RSF1: variants seen among roughly 807,000 people sequenced by gnomAD.
RSF1 encodes HBV pX-associated protein 8.
Under a neutral mutation model 145.2 loss-of-function variants are expected in RSF1, and 13 were observed. That is an observed-to-expected ratio of 0.09 (90% CI 0.06 to 0.14). The LOEUF (loss-of-function observed/expected upper bound fraction) is 0.14. Ranked by LOEUF, RSF1 falls within the 10% of genes least tolerant of loss-of-function variation. The pLI is 1.00. For missense variants in RSF1, 1,517 were observed against 1,718.2 expected, an observed-to-expected ratio of 0.88 and a Z score of 2.07; for synonymous variants, 577 against 592.6, an observed-to-expected ratio of 0.97 and a Z score of 0.38.
At chr11:77,860,815 T>C in the RSF1 span, among the ~76,000 whole-genome samples, 1 of 152,134 alleles carries the variant, frequency 6.6e-6, no homozygotes, top group Non-Finnish European at 1.5e-5. Flanking sequence ...CTCTACTTCC[T>C]CTGGTATTTG....
In RSF1 at chr11:77,693,597, G is replaced by A. The variant is rs140108019; in HGVS notation, c.2730C>T (p.Asp910=). 911 of 1,612,978 alleles carry A rather than the reference G, an allele frequency of 5.6e-4. 3 individuals carry two copies. The highest frequency in any genetic ancestry group is 3.5e-3 in the African/African-American group (261 of 74,994). The part of the protein sequence containing the change: ...PNHPELILLC[D]SCDSGYHTAC... ...CAGTATGGTATCCACTATCGCAAGAGTCACACAGAAGAATCTGAAATAACC... is the reference window on the plus strand; with the variant it reads ...CAGTATGGTATCCACTATCGCAAGAATCACACAGAAGAATCTGAAATAACC... Residue 910 remains aspartate, a synonymous_variant, in exon 8 of 16, where the codon GAC becomes GAT. Coordinates refer to ENST00000308488, the MANE Select transcript of RSF1 (RefSeq NM_016578.4).
chr11:77,701,491 G>T lies in RSF1; in HGVS notation c.1738C>A (p.Pro580Thr). The change falls in exon 6 of 16, where the codon CCA becomes ACA. Residue 580 changes from proline (P) to threonine (T), a missense_variant. By Grantham distance (38) the Pro-to-Thr change is conservative. Coordinates refer to ENST00000308488, the MANE Select transcript of RSF1 (RefSeq NM_016578.4). ...SPKTKKDKRP[P>T]ILECLEKLEK... ...AACTTTTCAAGACATTCTAGGATTG[G>T]TGGGCGCTTATCCTTCTTAGTTTTG... 1 of 1,614,094 alleles carries T rather than the reference G, an allele frequency of 6.2e-7. No individual in the cohort carries two copies. The highest frequency in any genetic ancestry group is 8.5e-7 in the Non-Finnish European group (1 of 1,180,010).
At chr11:77,823,175 A>T (rs182716278), upstream of RSF1, among the ~76,000 whole-genome samples, 718 of 137,768 alleles carry the variant, frequency 5.2e-3, 9 homozygotes, top group African/African-American at 0.019. Context: ...AGGTTGTGCC[A>T]CTGCACTCCA....
intron 5 of RSF1, among the ~76,000 whole-genome samples, chr11:77,706,599 CTG>C (rs1188983767): frequency 1.2e-4 from 19 of 152,208 alleles, no homozygotes; most frequent in Non-Finnish European, 1.5e-4. Flanking sequence ...TTGTTTTACT[CTG>C]TTAACTCTGC....
rs1219627718 is a variant in RSF1 at position 77,702,312 on chromosome 11, T to G, written c.917A>C (p.Lys306Thr). The stretch of plus-strand genomic sequence containing the variant: ...GGAATCACTTTCTTCTTTGATAATC[T>G]TTTTTTCTTCATTTTCTGGCAAAGG... ...EKPLPENEEK[K>T]IIKEESDSFK... The change falls in exon 6 of 16, where the codon AAG becomes ACG. Residue 306 changes from lysine (K) to threonine (T), a missense_variant. Lys to Thr is a moderately conservative substitution (Grantham distance 78). Coordinates refer to ENST00000308488, the MANE Select transcript of RSF1 (RefSeq NM_016578.4). The G allele has an allele frequency of 1.2e-6, 2 of 1,609,566 alleles. No individual in the cohort carries two copies. The highest frequency in any genetic ancestry group is 2.2e-5 in the South Asian group (2 of 89,634).
intron 1 of RSF1, among the ~76,000 whole-genome samples, chr11:77,819,884 G>A (rs1468937437): frequency 6.6e-6 from 1 of 152,004 alleles, no homozygotes; most frequent in African/African-American, 2.4e-5. Flanking sequence ...CCCTCCCGTG[G>A]GGGAGGAGCA....
At chr11:77,755,726 C>T (rs181602394) in intron 2 of RSF1, among the ~76,000 whole-genome samples, 349 of 152,032 alleles carry the variant, frequency 2.3e-3, no homozygotes, top group African/African-American at 7.4e-3. Context: ...ACTACAGGTA[C>T]GCGCCACCAT....
chr11:77,686,115 A>G (rs1959996821), intron 9 of RSF1, among the ~76,000 whole-genome samples: 1 of 152,118 alleles, frequency 6.6e-6, no homozygotes, highest in African/African-American at 2.4e-5. Context: ...TAATTAAATT[A>G]CATATTAAAA....
Position 77,693,522 on chromosome 11 carries a change from G to A in RSF1, c.2805C>T (p.Cys935=), listed in dbSNP as rs778525193. The part of the protein sequence containing the change: ...LMIIPDGEWF[C]PPCQHKLLCE... ...GGGGTCTTACATGTTGGCAAGGTGGGCAGAACCATTCTCCATCTGGGATGA... is the reference window on the plus strand; with the variant it reads ...GGGGTCTTACATGTTGGCAAGGTGGACAGAACCATTCTCCATCTGGGATGA... The change falls in exon 8 of 16, where the codon TGC becomes TGT. Residue 935 remains cysteine (C), a synonymous_variant. Coordinates refer to ENST00000308488, the MANE Select transcript of RSF1 (RefSeq NM_016578.4). 1.9e-6 allele frequency: 3 copies of A among 1,612,806 alleles called. No homozygotes were observed. Among genetic ancestry groups the A allele is most frequent in the Admixed American group, 3.3e-5 (2 of 59,984 alleles).
chr11:77,676,847 T>C lies in RSF1; in HGVS notation c.3286A>G (p.Ser1096Gly), dbSNP rs1277018261. Residue 1096 changes from serine to glycine, a missense_variant, in exon 13 of 16, where the codon AGT (serine) becomes GGT (glycine). Around this residue, in one of 12 missense-constraint regions of RSF1, gnomAD observed 231 missense variants for 276.6 expected, o/e 0.84. Transcript: ENST00000308488. ...TCTTCTTCATCCAGGTTGCTATCAC[T>C]GTCCAGATCATTTAATCGCCGGCGT... Reference protein sequence around the residue: ...KKRRRLNDLDSDSNLDEEESE... With the variant: ...KKRRRLNDLDGDSNLDEEESE... 3 of 1,614,078 alleles carry C rather than the reference T, an allele frequency of 1.9e-6. No individual in the cohort carries two copies. Among genetic ancestry groups the C allele is most frequent in the East Asian group, 2.2e-5 (1 of 44,874 alleles).
intron 5 of RSF1, among the ~76,000 whole-genome samples, chr11:77,717,178 A>G (rs1960834313): frequency 1.3e-5 from 1 of 74,518 alleles, no homozygotes; most frequent in African/African-American, 8.0e-5. Context: ...AAAAACCAAA[A>G]ACCAAAAAAA....
the RSF1 span, chr11:77,872,067 T>C: frequency 1.6e-6 from 2 of 1,261,646 alleles, no homozygotes; most frequent in Non-Finnish European, 2.1e-6. Flanking sequence ...GATCGTGAAG[T>C]GACGATTGTC....
At chr11:77,845,825 C>A in the RSF1 span, among the ~76,000 whole-genome samples, 2 of 152,114 alleles carry the variant, frequency 1.3e-5, no homozygotes, top group Admixed American at 6.5e-5. Flanking sequence ...TTCTTTTGAA[C>A]ATGGTTTCCT....
chr11:77,790,461 C>T (rs1273639512), intron 1 of RSF1, among the ~76,000 whole-genome samples: 1 of 152,146 alleles, frequency 6.6e-6, no homozygotes. Flanking sequence ...CCTGCCCCGG[C>T]CCCTCCCAAA....
chr11:77,833,697 T>C, the RSF1 span, among the ~76,000 whole-genome samples: 2 of 152,234 alleles, frequency 1.3e-5, no homozygotes, highest in East Asian at 1.9e-4. Context: ...ACTTCATTTG[T>C]ACCTATTAGA....
intron 6 of RSF1, among the ~76,000 whole-genome samples, chr11:77,699,980 C>A (rs1364415694): frequency 1.3e-5 from 2 of 151,994 alleles, no homozygotes. Context: ...GTGAAAAACT[C>A]ACAGAAAAAT....
chr11:77,820,907 C>T (rs1948869015), upstream of RSF1: 2 of 602,976 alleles, frequency 3.3e-6, no homozygotes, highest in Non-Finnish European at 5.7e-6. Context: ...CCGAGTCAGA[C>T]GGGAGACAGA....
At chr11:77,710,549 T>C (rs1309410784) in intron 5 of RSF1, among the ~76,000 whole-genome samples, 3 of 152,204 alleles carry the variant, frequency 2.0e-5, no homozygotes, top group African/African-American at 7.2e-5. Context: ...TGTTCCTCTG[T>C]TCTTTGTTTA....
intron 4 of RSF1, among the ~76,000 whole-genome samples, chr11:77,728,231 C>T (rs1961105430): frequency 1.3e-5 from 2 of 152,116 alleles, no homozygotes; most frequent in Non-Finnish European, 1.5e-5. Context: ...TTCCCCATGG[C>T]TAATTCCAAT....
Sources: gnomAD v4.1 joint callset for allele counts (sites outside exome capture counted in the v4.1 genomes callset) on GRCh38, gnomAD v4.1.1 for gene constraint, gnomAD v4.1.1 regional missense constraint, MANE v1.5 for transcripts, NCBI Gene and HGNC (gene_info 2026-07-23, HGNC 2026-07-21) for gene names.